The following SLC35F6 variants were observed in gnomAD, a reference collection of about 807,000 sequenced individuals.
SLC35F6 encodes the protein ANT2-binding protein.
Under a neutral mutation model 29.4 loss-of-function variants are expected in SLC35F6, and 26 were observed. That is an observed-to-expected ratio of 0.89 (90% CI 0.65 to 1.23). The LOEUF (loss-of-function observed/expected upper bound fraction) is 1.23, where lower values mean the gene tolerates loss of function less well. SLC35F6 is among the 50% of genes most tolerant of loss of function. The pLI is 0.00. For missense variants in SLC35F6, 428 were observed against 487.8 expected (o/e 0.88, Z 1.15); for synonymous variants, 174 against 206.6 (o/e 0.84, Z 1.35).
At position 26,778,672 on chromosome 2, in the gene SLC35F6, A is replaced by G. The variant is rs748639844; in HGVS notation, c.*161A>G. 1 of 684,332 alleles carries G rather than the reference A, an allele frequency of 1.5e-6. No homozygotes were observed. The highest frequency in any genetic ancestry group is 2.4e-6 in the Non-Finnish European group (1 of 419,618). 42.4% of individuals were successfully genotyped at this position (684,332 alleles called of 1,614,324 possible). A position where few individuals can be genotyped will look rare whatever the true frequency, so the allele number is the denominator to read the frequency against. ...GCTGCCACAGAAGATAACAACACCC[A>G]AGTCCTCTTTTTCTCACTACCACCT... On this transcript the variant is annotated 3_prime_UTR_variant, in exon 6 of 6. Transcript: ENST00000344420.
rs1270404830 is a variant in SLC35F6, at chr2:26,781,126, AAAAG to A, written c.*2619_*2622del. The A allele has an allele frequency of 2.0e-5, 3 of 152,182 alleles. No individual in the cohort carries two copies. The highest frequency in any genetic ancestry group is 7.2e-5 in the African/African-American group (3 of 41,446). 9.4% of individuals were successfully genotyped at this position (152,182 alleles called of 1,614,324 possible). The stretch of plus-strand genomic sequence containing the variant: ...GTTATTTTGGCTTTTATTTTTTAAA[AAAAG>A]AAAAGGAAAATTGGCAATTGTATTA... On this transcript the variant is annotated 3_prime_UTR_variant, in exon 6 of 6. Coordinates refer to ENST00000344420, the MANE Select transcript of SLC35F6 (RefSeq NM_017877.4).
intron 1 of SLC35F6, among the ~76,000 whole-genome samples, chr2:26,765,668 G>A (rs1038833390): frequency 6.6e-6 from 1 of 152,214 alleles, no homozygotes; most frequent in Non-Finnish European, 1.5e-5. Flanking sequence ...TTCCCCAAAC[G>A]GTGGGCACAG....
chr2:26,772,325 G>T (rs10170182), intron 1 of SLC35F6, among the ~76,000 whole-genome samples: 7,450 of 152,222 alleles, frequency 0.049, 643 homozygotes, highest in African/African-American at 0.17. Flanking sequence ...GCAGTGCAGG[G>T]CTGTGCACTG....
At position 26,775,072 on chromosome 2, in the gene SLC35F6, C is replaced by A. The variant is rs551942793; in HGVS notation, c.179C>A (p.Ser60Tyr). 6.2e-7 allele frequency: 1 copy of A among 1,614,068 alleles called. No homozygotes were observed. Among genetic ancestry groups the A allele is most frequent in the African/African-American group, 1.3e-5 (1 of 75,030 alleles). ...GTGGGCATGTTCCTGGGAGAATTCT[C>A]CTGCCTGGCTGCCTTCTACCTCCTC... ...QAVGMFLGEF[S>Y]CLAAFYLLRC... is the part of the protein sequence containing the mutation. The change falls in exon 3 of 6, where the codon TCC becomes TAC. Residue 60 changes from serine to tyrosine, a missense_variant. Ser to Tyr is a moderately radical substitution (Grantham distance 144). Transcript: ENST00000344420. This position sits in a 1 kb window ranked among gnomAD's most constrained non-coding sequence, Gnocchi z 4.6.
At chr2:26,771,304 G>C (rs1157595091) in intron 1 of SLC35F6, among the ~76,000 whole-genome samples, 4 of 152,200 alleles carry the variant, frequency 2.6e-5, no homozygotes, top group African/African-American at 9.7e-5. Flanking sequence ...TTCCATACCT[G>C]CCCCCTACAG....
rs947469415 is a variant in SLC35F6, at chr2:26,767,712, T to C, written c.77+3286T>C. Among the ~76,000 whole-genome samples the C allele has an allele frequency of 1.6e-4, 24 of 152,172 alleles. No homozygotes were observed. In the South Asian group the frequency reaches 2.1e-3, roughly 13 times the overall value. On this transcript the variant is annotated intron_variant, in intron 1 of 5. Transcript: ENST00000344420. The stretch of plus-strand genomic sequence containing the variant: ...TCCTGAATCCAACTGAGGTTCTACA[T>C]ATGAAGAGCCGGGGTCAGCTGGGCA...
At position 26,778,138 on chromosome 2, in the gene SLC35F6, A is replaced by T; in HGVS notation, c.743A>T (p.Asp248Val). ...FSGNPRGTLEDALDAFCQVGQ... is the reference protein window; with the variant it reads ...FSGNPRGTLEVALDAFCQVGQ... ...GGAAACCCTCGTGGGACACTGGAGG[A>T]TGCATTGGACGCCTTCTGCCAGGTG... Residue 248 changes from aspartate (D) to valine (V), a missense_variant, in exon 6 of 6, where the codon GAT (aspartate) becomes GTT (valine). Asp to Val is a radical substitution (Grantham distance 152, BLOSUM62 -3). Transcript: ENST00000344420. 1 of 1,614,110 alleles carries T rather than the reference A, an allele frequency of 6.2e-7. No individual in the cohort carries two copies. Among genetic ancestry groups the T allele is most frequent in the Non-Finnish European group, 8.5e-7 (1 of 1,180,030 alleles).
chr2:26,764,400 C>T lies in SLC35F6; in HGVS notation c.51C>T (p.Thr17=). The T allele has an allele frequency of 1.3e-6, 2 of 1,551,086 alleles. No individual in the cohort carries two copies. Among genetic ancestry groups the T allele is most frequent in the Non-Finnish European group, 1.7e-6 (2 of 1,146,868 alleles). ...QLFLAGLMLV[T]GSINTLSAKW... ...TCCTGGCCGGGCTCATGCTTGTTAC[C>T]GGCTCCATCAACACGCTCTCGGCAA... Residue 17 remains threonine (T), a synonymous_variant, in exon 1 of 6, where the codon ACC becomes ACT. Coordinates refer to ENST00000344420, the MANE Select transcript of SLC35F6 (RefSeq NM_017877.4).
rs1664359163 is a variant in SLC35F6 at position 26,779,006 on chromosome 2, C to T, written c.*495C>T. The T allele has an allele frequency of 3.9e-5, 6 of 152,430 alleles. 1 individual carries two copies. Among genetic ancestry groups the T allele is most frequent in the Admixed American group, 2.6e-4 (4 of 15,284 alleles). 9.4% of individuals were successfully genotyped at this position (152,430 alleles called of 1,614,324 possible). ...AGGCTGGAGTGCAGTGGCACGATCT[C>T]GGCGGCTCACTACAACCTCTGCCTC... is the stretch of plus-strand genomic sequence containing the variant. On this transcript the variant is annotated 3_prime_UTR_variant, in exon 6 of 6. Coordinates refer to ENST00000344420, the MANE Select transcript of SLC35F6 (RefSeq NM_017877.4).
At position 26,774,289 on chromosome 2, in the gene SLC35F6, G is replaced by A. The variant is rs745924341; in HGVS notation, c.116G>A (p.Ser39Asn). The A allele has an allele frequency of 1.2e-6, 2 of 1,614,176 alleles. No individual in the cohort carries two copies. Among genetic ancestry groups the A allele is most frequent in the Non-Finnish European group, 8.5e-7 (1 of 1,180,030 alleles). The change falls in exon 2 of 6, where the codon AGC becomes AAC. Residue 39 changes from serine to asparagine, a missense_variant. Ser to Asn is a conservative substitution (Grantham distance 46). Transcript: ENST00000344420. The part of the protein sequence containing the change: ...DNFMAEGCGG[S>N]KEHSFQHPFL... ...TTCATGGCCGAGGGCTGTGGAGGGA[G>A]CAAGGAGCACAGCTTCCAGCATCCC... is the stretch of plus-strand genomic sequence containing the variant.
intron 4 of SLC35F6, 127 bp from the exon 5 acceptor site, chr2:26,776,245 G>T: frequency 1.4e-6 from 1 of 731,484 alleles, no homozygotes; most frequent in African/African-American, 1.8e-5. Context: ...AGTGGTGACT[G>T]TGCCTATGAA....
intron 5 of SLC35F6, among the ~76,000 whole-genome samples, chr2:26,777,571 A>T (rs1283477831): frequency 1.3e-5 from 2 of 152,194 alleles, no homozygotes; most frequent in African/African-American, 4.8e-5. Context: ...GCATGGACTT[A>T]CCTTCTGGCG....
rs775921992 is a variant in SLC35F6, at chr2:26,764,303, A to T, written c.-47A>T. On this transcript the variant is annotated 5_prime_UTR_variant, in exon 1 of 6. Coordinates refer to ENST00000344420, the MANE Select transcript of SLC35F6 (RefSeq NM_017877.4). ...GCGCTCGCGCAGGAGACCCCGGGTG[A>T]CGGGGCCCGGCGCCGCTAACTGGAG... The T allele has an allele frequency of 6.5e-7, 1 of 1,544,762 alleles. No homozygotes were observed. The highest frequency in any genetic ancestry group is 8.7e-7 in the Non-Finnish European group (1 of 1,143,982).
intron 1 of SLC35F6, among the ~76,000 whole-genome samples, chr2:26,769,042 T>C (rs1664143673): frequency 6.6e-6 from 1 of 152,136 alleles, no homozygotes; most frequent in African/African-American, 2.4e-5. Context: ...GGAGAAGCCT[T>C]GGCCCTTCTG....
At position 26,775,036 on chromosome 2, in the gene SLC35F6, C is replaced by T. The variant is rs770407768; in HGVS notation, c.151-8C>T. The T allele has an allele frequency of 2.4e-5, 39 of 1,610,428 alleles. 2 individuals are homozygous for T. The South Asian group carries it at 4.3e-4, about 18-fold the overall frequency. On this transcript the variant is annotated splice_region_variant and splice_polypyrimidine_tract_variant and intron_variant, in intron 2 of 5. Coordinates refer to ENST00000344420, the MANE Select transcript of SLC35F6 (RefSeq NM_017877.4). The surrounding 1 kb of genome is among the most constrained non-coding windows in gnomAD (Gnocchi z 4.6). ...AGCTCTGAAGTCCTCGGGTTTTCAT[C>T]CCTGCAGGCAGTGGGCATGTTCCTG...
Position 26,775,385 on chromosome 2 carries a change from T to G in SLC35F6, c.323-79T>G. On this transcript the variant is annotated intron_variant, in intron 3 of 5. Coordinates refer to ENST00000344420, the MANE Select transcript of SLC35F6 (RefSeq NM_017877.4). The surrounding 1 kb of genome is among the most constrained non-coding windows in gnomAD (Gnocchi z 4.6). ...TCGAGCGCTTACTATGAGCTTGGCA[T>G]GTCTATCACCAAAGACCCCTTAGTG... 1.9e-6 allele frequency: 3 copies of G among 1,548,122 alleles called. No homozygotes were observed. The highest frequency in any genetic ancestry group is 2.6e-6 in the Non-Finnish European group (3 of 1,143,024).
intron 5 of SLC35F6, among the ~76,000 whole-genome samples, 161 bp downstream of exon 5, chr2:26,776,643 G>C (rs1394746560): frequency 1.3e-5 from 2 of 152,152 alleles, no homozygotes; most frequent in African/African-American, 4.8e-5. Flanking sequence ...TGCTGTGTCA[G>C]GAACTAGAGG....
chr2:26,764,488 C>T (rs895226944), intron 1 of SLC35F6, 62 bp downstream of exon 1: 2 of 1,537,192 alleles, frequency 1.3e-6, no homozygotes, highest in East Asian at 2.5e-5. Flanking sequence ...TCTACGCCTT[C>T]CCCCTTCTTG....
At position 26,778,161 on chromosome 2, in the gene SLC35F6, G is replaced by T; in HGVS notation, c.766G>T (p.Val256Leu). The T allele has an allele frequency of 6.2e-7, 1 of 1,614,194 alleles. No individual in the cohort carries two copies. The highest frequency in any genetic ancestry group is 8.5e-7 in the Non-Finnish European group (1 of 1,180,030). Residue 256 changes from valine (V) to leucine (L), a missense_variant, in exon 6 of 6, where the codon GTG (valine) becomes TTG (leucine). Physicochemically the swap from Val to Leu is conservative, Grantham distance 32 (BLOSUM62 1). Transcript: ENST00000344420. ...GGATGCATTGGACGCCTTCTGCCAG[G>T]TGGGCCAGCAGCCGCTCATTGCCGT... is the stretch of plus-strand genomic sequence containing the variant. ...LEDALDAFCQ[V>L]GQQPLIAVAL...
Sources: allele counts gnomAD v4.1 joint callset (sites outside exome capture counted in the v4.1 genomes callset), GRCh38; gene constraint gnomAD v4.1.1; non-coding constraint Gnocchi (gnomAD v3.1); transcripts MANE v1.5; gene names NCBI Gene and HGNC (gene_info 2026-07-23, HGNC 2026-07-21).